Variants in JMJD1C observed in about 807,000 individuals in gnomAD.
JMJD1C encodes jumonji domain containing 1C.
In JMJD1C, 31 loss-of-function variants were observed where a neutral mutation model predicts 245.3. The observed-to-expected ratio is 0.13, with a 90% confidence interval of 0.09 to 0.17. JMJD1C has a LOEUF of 0.17. Among genes scored for constraint, JMJD1C ranks in the 10% least tolerant of loss-of-function variants. JMJD1C has a pLI of 1.00. For missense variants in JMJD1C, 2,691 were observed against 3,000.2 expected (o/e 0.90, Z 2.41); for synonymous variants, 1,057 against 1,017.4 (o/e 1.04, Z -0.74).
At chr10:63,382,600 A>G (rs911393323) in intron 1 of JMJD1C, among the ~76,000 whole-genome samples, 2 of 152,234 alleles carry the variant, frequency 1.3e-5, no homozygotes, top group Non-Finnish European at 2.9e-5. Context: ...ACACAACAGT[A>G]AAAAATCAAA....
chr10:63,297,520 C>T (rs1272174123), intron 2 of JMJD1C, among the ~76,000 whole-genome samples: 1 of 152,212 alleles, frequency 6.6e-6, no homozygotes, highest in East Asian at 1.9e-4. Flanking sequence ...TCTGGACCCA[C>T]CAAATGGCAG....
intron 1 of JMJD1C, among the ~76,000 whole-genome samples, chr10:63,422,063 AT>A (rs1950157563): frequency 6.6e-6 from 1 of 152,216 alleles, no homozygotes; most frequent in East Asian, 1.9e-4. Context: ...ACAATGAAAC[AT>A]TTTTTGAGAT....
intron 2 of JMJD1C, among the ~76,000 whole-genome samples, chr10:63,305,683 T>TGTGTGTGTGTGTGTGTGTGTGTGTGTGTG (rs71025152): frequency 2.0e-5 from 3 of 146,430 alleles, no homozygotes; most frequent in African/African-American, 2.6e-5. Context: ...TGTGTGTGTG[T>TGTGTGTGTGTGTGTGTGTGTGTGTGTGTG]TGAAAGATCT....
chr10:63,492,541 G>C (rs185151925), intron 1 of JMJD1C, among the ~76,000 whole-genome samples: 1 of 152,062 alleles, frequency 6.6e-6, no homozygotes, highest in Non-Finnish European at 1.5e-5. Context: ...TGGCGTGGTG[G>C]CGTGGGCCTG....
At chr10:63,514,474 G>A (rs756007861) in intron 1 of JMJD1C, among the ~76,000 whole-genome samples, 4 of 152,204 alleles carry the variant, frequency 2.6e-5, no homozygotes, top group African/African-American at 7.2e-5. Context: ...ATGTCCTTTT[G>A]CAGCAACATG....
chr10:63,517,937 T>G (rs553265617), intron 1 of JMJD1C, among the ~76,000 whole-genome samples: 1 of 151,900 alleles, frequency 6.6e-6, no homozygotes. Flanking sequence ...GGATTACAGG[T>G]GTGCACCATC....
intron 2 of JMJD1C, among the ~76,000 whole-genome samples, chr10:63,377,861 G>A (rs1358489715): frequency 6.6e-6 from 1 of 151,350 alleles, no homozygotes; most frequent in Non-Finnish European, 1.5e-5. Flanking sequence ...TCACACCACT[G>A]CACTCCAGCC....
chr10:63,185,486 C>T (rs1280733050), intron 20 of JMJD1C, 77 bp downstream of exon 20: 15 of 829,782 alleles, frequency 1.8e-5, no homozygotes, highest in Non-Finnish European at 2.5e-5. Context: ...GTCACATTTA[C>T]GGTTACTTAT....
chr10:63,213,943 A>G lies in JMJD1C; in HGVS notation c.2224T>C (p.Ser742Pro). The change falls in exon 8 of 26, where the codon TCC becomes CCC. Residue 742 changes from serine (S) to proline (P), a missense_variant. Ser to Pro is a moderately conservative substitution (Grantham distance 74, BLOSUM62 -1). Around this residue, in one of 9 missense-constraint regions of JMJD1C, gnomAD observed 1,562 missense variants for 1,490.7 expected, o/e 1.05. Coordinates refer to ENST00000399262, the MANE Select transcript of JMJD1C (RefSeq NM_032776.3). Reference sequence around the variant, plus strand: ...TTTAAACAGGTTCTATGAGATGAGGAGTGAAGAGGAAAAGGATGCTGGCTT... The same window carrying G: ...TTTAAACAGGTTCTATGAGATGAGGGGTGAAGAGGAAAAGGATGCTGGCTT... ...FLSQHPFPLH[S>P]SSHRTCLNPG... is the part of the protein sequence containing the mutation. 6.2e-7 allele frequency: 1 copy of G among 1,614,036 alleles called. No individual in the cohort carries two copies. Among genetic ancestry groups the G allele is most frequent in the Non-Finnish European group, 8.5e-7 (1 of 1,179,972 alleles).
chr10:63,374,414 A>G (rs915405308), intron 2 of JMJD1C, among the ~76,000 whole-genome samples: 3 of 152,188 alleles, frequency 2.0e-5, no homozygotes, highest in African/African-American at 4.8e-5. Flanking sequence ...TTTTAAAACA[A>G]GATAAACTGC....
intron 2 of JMJD1C, among the ~76,000 whole-genome samples, chr10:63,285,844 T>C (rs1316758330): frequency 6.6e-6 from 1 of 152,126 alleles, no homozygotes; most frequent in Non-Finnish European, 1.5e-5. Flanking sequence ...CAAAAAAACC[T>C]TTCTTTTCTA....
chr10:63,215,445 G>A lies in JMJD1C; in HGVS notation c.833C>T (p.Thr278Ile), dbSNP rs756985704. Reference protein sequence around the residue: ...QNVNAVHSHYTRAQANSPRPA... With the variant: ...QNVNAVHSHYIRAQANSPRPA... ...TCTGGGACTATTTGCTTGGGCACGT[G>A]TATAATGGCTCTAAAAATAACCAAT... Residue 278 changes from threonine to isoleucine, a missense_variant, in exon 7 of 26, where the codon ACA (threonine) becomes ATA (isoleucine). Around this residue, in one of 9 missense-constraint regions of JMJD1C, gnomAD observed 1,562 missense variants for 1,490.7 expected, o/e 1.05. Coordinates refer to ENST00000399262, the MANE Select transcript of JMJD1C (RefSeq NM_032776.3). 1 of 1,614,002 alleles carries A rather than the reference G, an allele frequency of 6.2e-7. No individual in the cohort carries two copies. Among genetic ancestry groups the A allele is most frequent in the South Asian group, 1.1e-5 (1 of 91,074 alleles).
chr10:63,194,401 C>G (rs757071013), intron 13 of JMJD1C, 26 bp from the exon 14 acceptor site: 2 of 1,361,912 alleles, frequency 1.5e-6, no homozygotes, highest in Admixed American at 3.4e-5. Context: ...ACTTGTATAT[C>G]ACACTCATGG....
intron 1 of JMJD1C, among the ~76,000 whole-genome samples, chr10:63,385,807 A>G (rs149445236): frequency 9.9e-4 from 151 of 152,236 alleles, no homozygotes; most frequent in Non-Finnish European, 1.6e-3. Flanking sequence ...GCAAACTACG[A>G]TAAAAAATGT....
chr10:63,298,157 G>A (rs548836036), intron 2 of JMJD1C, among the ~76,000 whole-genome samples: 3 of 152,130 alleles, frequency 2.0e-5, no homozygotes, highest in Non-Finnish European at 2.9e-5. Context: ...GTGCTTGCCC[G>A]GTCACACACC....
chr10:63,455,244 A>G (rs1053615177), intron 1 of JMJD1C, among the ~76,000 whole-genome samples: 3 of 152,204 alleles, frequency 2.0e-5, no homozygotes, highest in Non-Finnish European at 4.4e-5. Context: ...AAATTTTAGT[A>G]CAGATTTTTG....
At chr10:63,178,973 T>G (rs934124116) in intron 22 of JMJD1C, among the ~76,000 whole-genome samples, 1 of 152,206 alleles carries the variant, frequency 6.6e-6, no homozygotes, top group African/African-American at 2.4e-5. Context: ...TGTCTTGGCT[T>G]TTAGTTATCA....
Position 63,418,640 on chromosome 10 carries a change from C to A in JMJD1C, c.169-38158G>T, listed in dbSNP as rs922215052. ...TGAGTTACAAACAATAAAAGGCTTA[C>A]AGCAGAGAAATACTAAAAATAAATT... On this transcript the variant is annotated intron_variant, in intron 1 of 25. Coordinates refer to ENST00000399262, the MANE Select transcript of JMJD1C (RefSeq NM_032776.3). Among the ~76,000 whole-genome samples, 14 of 152,268 alleles carry A rather than the reference C, an allele frequency of 9.2e-5. No homozygotes were observed. The East Asian group carries it at 2.7e-3, about 29-fold the overall frequency.
At chr10:63,343,615 A>G (rs1361478664) in intron 2 of JMJD1C, among the ~76,000 whole-genome samples, 3 of 152,222 alleles carry the variant, frequency 2.0e-5, no homozygotes, top group Non-Finnish European at 4.4e-5. Flanking sequence ...ATGCTGAATA[A>G]TGACATTTCA....
Sources: gnomAD v4.1 joint callset for allele counts (sites outside exome capture counted in the v4.1 genomes callset) on GRCh38, gnomAD v4.1.1 for gene constraint, gnomAD v4.1.1 regional missense constraint, MANE v1.5 for transcripts, NCBI Gene and HGNC (gene_info 2026-07-23, HGNC 2026-07-21) for gene names.